Variants in TRPC4 observed in about 807,000 individuals in gnomAD.
TRPC4 encodes the protein transient receptor potential cation channel subfamily C member 4.
TRPC4 carries 49 observed loss-of-function variants against 99.4 expected under a neutral mutation model. The observed-to-expected ratio is 0.49, with a 90% CI of 0.39 to 0.63. TRPC4 has a LOEUF of 0.63. TRPC4 is among the 20% of genes least tolerant of loss of function. The probability of loss-of-function intolerance (pLI) is 0.00; values close to 1 mark genes in which losing one functional copy is unlikely to be tolerated. For missense variants in TRPC4, 898 were observed against 1,152.9 expected (o/e 0.78, Z 3.20); for synonymous variants, 454 against 425.9 (o/e 1.07, Z -0.81).
chr13:37,765,308 C>T (rs546382928), intron 2 of TRPC4, among the ~76,000 whole-genome samples: 1 of 151,430 alleles, frequency 6.6e-6, no homozygotes, highest in African/African-American at 2.4e-5. Flanking sequence ...AAAAGCATGT[C>T]CACAGGGTTT....
chr13:37,647,776 G>A (rs528920282), intron 8 of TRPC4, among the ~76,000 whole-genome samples: 1 of 152,270 alleles, frequency 6.6e-6, no homozygotes, highest in East Asian at 1.9e-4. Flanking sequence ...ATAGTTGTTT[G>A]TGTATCTCAT....
Position 37,746,071 on chromosome 13 carries a change from G to T in TRPC4, c.763C>A (p.Leu255Ile). Residue 255 changes from leucine to isoleucine, a missense_variant, in exon 3 of 11, where the codon CTA becomes ATA. Physicochemically the swap from Leu to Ile is conservative, Grantham distance 5 (BLOSUM62 2). Coordinates refer to ENST00000379705, the MANE Select transcript of TRPC4 (RefSeq NM_016179.4). The stretch of plus-strand genomic sequence containing the variant: ...CTGGAACTTCTCGTCTGATCCAGTA[G>T]GTCCTTAGCAAATTGTTTGCACTGC... The part of the protein sequence containing the change: ...SRQCKQFAKD[L>I]LDQTRSSREL... 6.2e-7 allele frequency: 1 copy of T among 1,613,844 alleles called. No homozygotes were observed. The highest frequency in any genetic ancestry group is 8.5e-7 in the Non-Finnish European group (1 of 1,179,868).
At chr13:37,841,335 T>G (rs1747500365) in intron 1 of TRPC4, among the ~76,000 whole-genome samples, 1 of 152,190 alleles carries the variant, frequency 6.6e-6, no homozygotes, top group East Asian at 1.9e-4. Flanking sequence ...CTGCAAAAAT[T>G]TGGGTAAATC....
At chr13:37,800,054 T>C (rs2139427415) in intron 1 of TRPC4, among the ~76,000 whole-genome samples, 1 of 152,326 alleles carries the variant, frequency 6.6e-6, no homozygotes, top group African/African-American at 2.4e-5. Context: ...GGTGATACTT[T>C]GATTACCTCT....
chr13:37,840,096 G>T lies in TRPC4; in HGVS notation c.-28+29499C>A, dbSNP rs978946467. Among the ~76,000 whole-genome samples the T allele has an allele frequency of 2.0e-5, 3 of 152,052 alleles. No individual in the cohort carries two copies. The East Asian group carries it at 5.8e-4, about 29-fold the overall frequency. On this transcript the variant is annotated intron_variant, in intron 1 of 10. Transcript: ENST00000379705. ...GAAAATTTGTTTACTGGTTATGTCA[G>T]TGGAAACTCCAGGAAGATATATCAA... is the stretch of plus-strand genomic sequence containing the variant.
At chr13:37,676,009 G>A (rs1022047598) in intron 4 of TRPC4, among the ~76,000 whole-genome samples, 1 of 152,106 alleles carries the variant, frequency 6.6e-6, no homozygotes, top group Middle Eastern at 3.4e-3. Context: ...TGAAACTGAC[G>A]GTGGCAACAA....
chr13:37,714,952 A>G (rs1043801343), intron 3 of TRPC4, among the ~76,000 whole-genome samples: 1 of 152,228 alleles, frequency 6.6e-6, no homozygotes, highest in African/African-American at 2.4e-5. Context: ...AAGCCTAACA[A>G]TTCCTAATAC....
chr13:37,752,604 C>T (rs578170884), intron 2 of TRPC4, among the ~76,000 whole-genome samples: 1 of 151,880 alleles, frequency 6.6e-6, no homozygotes, highest in African/African-American at 2.4e-5. Context: ...CCCCCTCCCA[C>T]ACCCTTTTTC....
intron 3 of TRPC4, among the ~76,000 whole-genome samples, chr13:37,737,067 C>T (rs1262936648): frequency 6.6e-6 from 1 of 151,690 alleles, no homozygotes; most frequent in Non-Finnish European, 1.5e-5. Context: ...GTAATGTAAC[C>T]CACAAGAAAC....
At chr13:37,723,093 A>G (rs1954930688) in intron 3 of TRPC4, among the ~76,000 whole-genome samples, 1 of 152,176 alleles carries the variant, frequency 6.6e-6, no homozygotes, top group Admixed American at 6.6e-5. Flanking sequence ...TCAAACATAT[A>G]AACACGCAAA....
rs1054235281 is a variant in TRPC4, at chr13:37,746,123, G to A, written c.711C>T (p.Phe237=). The stretch of plus-strand genomic sequence containing the variant: ...GTGACAGCTCTTCATACTCCGACTT[G>A]AATTCATTTTCCACCTTGCTCAGTT... The part of the protein sequence containing the change: ...LQELSKVENE[F]KSEYEELSRQ... The change falls in exon 3 of 11, where the codon TTC becomes TTT. Residue 237 remains phenylalanine (F), a synonymous_variant. Coordinates refer to ENST00000379705, the MANE Select transcript of TRPC4 (RefSeq NM_016179.4). 5.6e-6 allele frequency: 9 copies of A among 1,613,858 alleles called. No homozygotes were observed. Among genetic ancestry groups the A allele is most frequent in the Non-Finnish European group, 7.6e-6 (9 of 1,179,890 alleles).
At chr13:37,843,575 C>G (rs114847667) in intron 1 of TRPC4, among the ~76,000 whole-genome samples, 2 of 152,100 alleles carry the variant, frequency 1.3e-5, no homozygotes, top group Admixed American at 1.3e-4. Context: ...GAAAATTGAA[C>G]CCAGTAGTGT....
At chr13:37,753,048 A>C (rs1955980479) in intron 2 of TRPC4, among the ~76,000 whole-genome samples, 1 of 152,024 alleles carries the variant, frequency 6.6e-6, no homozygotes, top group Admixed American at 6.6e-5. Flanking sequence ...GTAAGAACTC[A>C]GTAAATGCTC....
chr13:37,719,120 G>A (rs898818509), intron 3 of TRPC4, among the ~76,000 whole-genome samples: 4 of 152,140 alleles, frequency 2.6e-5, no homozygotes, highest in Admixed American at 6.6e-5. Context: ...AGGGAATGGG[G>A]CAGTATCTTT....
intron 1 of TRPC4, among the ~76,000 whole-genome samples, chr13:37,843,553 C>A (rs951278623): frequency 6.6e-6 from 1 of 152,050 alleles, no homozygotes; most frequent in African/African-American, 2.4e-5. Flanking sequence ...TGATTCTTTA[C>A]AAAATACTCA....
intron 1 of TRPC4, among the ~76,000 whole-genome samples, chr13:37,817,604 G>A (rs1167178041): frequency 6.6e-6 from 1 of 151,742 alleles, no homozygotes; most frequent in African/African-American, 2.4e-5. Flanking sequence ...AACAAACAAA[G>A]CAGGAGGCAT....
intron 1 of TRPC4, among the ~76,000 whole-genome samples, chr13:37,783,573 AAG>A (rs1956899142): frequency 6.6e-6 from 1 of 152,072 alleles, no homozygotes; most frequent in Non-Finnish European, 1.5e-5. Context: ...AATAAATAAA[AAG>A]AGATTAACAT....
At chr13:37,788,841 A>G (rs1406977133) in intron 1 of TRPC4, among the ~76,000 whole-genome samples, 1 of 152,164 alleles carries the variant, frequency 6.6e-6, no homozygotes, top group African/African-American at 2.4e-5. Flanking sequence ...CCAAGATGGT[A>G]GCCATTAGTC....
chr13:37,641,676 G>C (rs9603240), intron 8 of TRPC4, among the ~76,000 whole-genome samples: 33,330 of 152,018 alleles, frequency 0.22, 4,536 homozygotes, highest in East Asian at 0.7. Context: ...CTTTCTAGGA[G>C]AAAGTGTGGT....
Sources: allele counts gnomAD v4.1 joint callset (sites outside exome capture counted in the v4.1 genomes callset), GRCh38; gene constraint gnomAD v4.1.1; transcripts MANE v1.5; gene names NCBI Gene and HGNC (gene_info 2026-07-23, HGNC 2026-07-21).